The following PINX1 variants were observed in gnomAD, a reference collection of about 807,000 sequenced individuals.
The protein encoded by PINX1 is PIN2 (TERF1) interacting telomerase inhibitor 1.
Under a neutral mutation model 25.4 loss-of-function variants are expected in PINX1, and 34 were observed. The observed-to-expected ratio is 1.34, with a 90% CI of 1.02 to 1.78. The LOEUF is 1.78. Among genes scored for constraint, PINX1 ranks in the 40% most tolerant of loss-of-function variants. The pLI, the probability that PINX1 is intolerant of heterozygous loss-of-function variation, is 0.00. For missense variants in PINX1, 592 were observed against 404.9 expected, an observed-to-expected ratio of 1.46 and a Z score of -3.97; for synonymous variants, 197 against 147.7, an observed-to-expected ratio of 1.33 and a Z score of -2.42.
At chr8:10,820,005 T>G (rs865883810) in intron 6 of PINX1, among the ~76,000 whole-genome samples, 188 bp downstream of exon 6, 1 of 152,202 alleles carries the variant, frequency 6.6e-6, no homozygotes, top group East Asian at 1.9e-4. Flanking sequence ...TTTTTAAAGA[T>G]TCCTTATAAA....
intron 6 of PINX1, among the ~76,000 whole-genome samples, chr8:10,813,931 A>C (rs1797614277): frequency 6.6e-6 from 1 of 151,956 alleles, no homozygotes; most frequent in Admixed American, 6.6e-5. Flanking sequence ...AAAGAGTAGC[A>C]GGAAGTTCAA....
intron 6 of PINX1, among the ~76,000 whole-genome samples, chr8:10,776,844 CCCCCACA>C (rs1327682956): frequency 6.6e-6 from 1 of 152,168 alleles, no homozygotes; most frequent in African/African-American, 2.4e-5. Context: ...GCCAACCCTT[CCCCCACA>C]CTGCAACCCA....
intron 6 of PINX1, among the ~76,000 whole-genome samples, chr8:10,789,844 T>C (rs943504256): frequency 6.6e-6 from 1 of 152,188 alleles, no homozygotes; most frequent in Non-Finnish European, 1.5e-5. Context: ...GCTGTTTGGA[T>C]CATGGATTTT....
intron 6 of PINX1, among the ~76,000 whole-genome samples, chr8:10,792,367 C>T (rs1287559605): frequency 6.6e-6 from 1 of 152,076 alleles, no homozygotes; most frequent in East Asian, 1.9e-4. Flanking sequence ...CAGGAACCCA[C>T]CTGAGAGGGA....
chr8:10,823,169 G>A (rs1286703350), intron 5 of PINX1, among the ~76,000 whole-genome samples: 1 of 152,208 alleles, frequency 6.6e-6, no homozygotes, highest in Non-Finnish European at 1.5e-5. Flanking sequence ...GTGTGCAACT[G>A]AGGGGCGGGG....
At chr8:10,775,097 G>C (rs1315488463) in intron 6 of PINX1, among the ~76,000 whole-genome samples, 2 of 151,992 alleles carry the variant, frequency 1.3e-5, no homozygotes, top group South Asian at 2.1e-4. Context: ...TAATTCCAAG[G>C]AGCTCATAAA....
At chr8:10,784,913 G>C (rs960129832) in intron 6 of PINX1, among the ~76,000 whole-genome samples, 2 of 152,200 alleles carry the variant, frequency 1.3e-5, no homozygotes, top group African/African-American at 2.4e-5. Context: ...CTTTGGCAGA[G>C]ACTGCCCGCT....
intron 6 of PINX1, among the ~76,000 whole-genome samples, chr8:10,786,257 G>C (rs1431091804): frequency 6.6e-6 from 1 of 152,204 alleles, no homozygotes; most frequent in Non-Finnish European, 1.5e-5. Context: ...GAACATCAGA[G>C]TTAGGTCTAT....
intron 4 of PINX1, among the ~76,000 whole-genome samples, chr8:10,828,123 A>G (rs1455085348): frequency 6.6e-6 from 1 of 152,162 alleles, no homozygotes; most frequent in African/African-American, 2.4e-5. Context: ...AAGAACGTGA[A>G]GGCAGATGTT....
chr8:10,809,825 C>G (rs4840516), intron 6 of PINX1, among the ~76,000 whole-genome samples: 96,470 of 152,202 alleles, frequency 0.63, 31,695 homozygotes, highest in African/African-American at 0.8. Context: ...TATGAATCTT[C>G]GAAGTTGTGT....
At chr8:10,820,095 G>A (rs1797820017) in intron 6 of PINX1, 98 bp downstream of exon 6, 1 of 790,290 alleles carries the variant, frequency 1.3e-6, no homozygotes, top group Non-Finnish European at 2.2e-6. Flanking sequence ...TGGAAAGTTT[G>A]TCAGAAAAGT....
At chr8:10,834,520 A>G in intron 2 of PINX1, 146 bp downstream of exon 2, 1 of 1,177,600 alleles carries the variant, frequency 8.5e-7, no homozygotes, top group Non-Finnish European at 1.2e-6. Context: ...TTATCATCAT[A>G]AGGTCACAAC....
intron 6 of PINX1, among the ~76,000 whole-genome samples, chr8:10,803,188 C>T (rs1370779885): frequency 6.6e-6 from 1 of 152,180 alleles, no homozygotes; most frequent in African/African-American, 2.4e-5. Context: ...TACATCATTG[C>T]TTTGTTCTTT....
At chr8:10,769,874 A>C (rs1801171215) in intron 6 of PINX1, among the ~76,000 whole-genome samples, 2 of 152,174 alleles carry the variant, frequency 1.3e-5, no homozygotes, top group African/African-American at 4.8e-5. Context: ...AGCCACCCCA[A>C]AACTAAAGTA....
At chr8:10,802,522 A>G (rs1405836923) in intron 6 of PINX1, among the ~76,000 whole-genome samples, 3 of 151,874 alleles carry the variant, frequency 2.0e-5, no homozygotes, top group African/African-American at 7.3e-5. Flanking sequence ...CCATTCTGAA[A>G]CTCCTATCTC....
intron 6 of PINX1, among the ~76,000 whole-genome samples, chr8:10,803,295 T>C (rs1802327623): frequency 1.3e-5 from 2 of 152,294 alleles, no homozygotes; most frequent in Admixed American, 1.3e-4. Context: ...CCTTACACAA[T>C]CACAGTGCCA....
intron 4 of PINX1, among the ~76,000 whole-genome samples, chr8:10,829,360 A>C (rs1407468745): frequency 6.6e-6 from 1 of 152,034 alleles, no homozygotes; most frequent in Non-Finnish European, 1.5e-5. Flanking sequence ...GAGTAAAGTA[A>C]ATTTTCTGGC....
intron 6 of PINX1, among the ~76,000 whole-genome samples, chr8:10,803,945 A>G (rs972988461): frequency 2.6e-4 from 39 of 152,192 alleles, no homozygotes; most frequent in African/African-American, 9.2e-4. Context: ...ATGTAAAACT[A>G]CCCTTGATTC....
chr8:10,801,054 A>G (rs1802250072), intron 6 of PINX1, among the ~76,000 whole-genome samples: 2 of 152,188 alleles, frequency 1.3e-5, no homozygotes, highest in African/African-American at 4.8e-5. Context: ...GAAGCTCTAT[A>G]TTTTATCATG....
Sources: gnomAD v4.1 joint callset for allele counts (sites outside exome capture counted in the v4.1 genomes callset) on GRCh38, gnomAD v4.1.1 for gene constraint, MANE v1.5 for transcripts, NCBI Gene and HGNC (gene_info 2026-07-23, HGNC 2026-07-21) for gene names.